The following RUNX1 variants were observed in gnomAD, a reference collection of about 807,000 sequenced individuals.
The protein encoded by RUNX1 is runt-related transcription factor 1.
A neutral mutation model predicts 42.8 loss-of-function variants in RUNX1; 19 were observed. The ratio of observed to expected loss-of-function variants is 0.44; its 90% CI spans 0.31 to 0.65. The LOEUF is 0.65. Ranked by LOEUF, RUNX1 falls within the 30% of genes least tolerant of loss-of-function variation. The pLI is 0.07. For missense variants in RUNX1, 528 were observed against 672.0 expected (o/e 0.79, Z 2.37); for synonymous variants, 271 against 289.4 (o/e 0.94, Z 0.64).
chr21:34,923,045 A>G (rs2058365778), intron 2 of RUNX1, among the ~76,000 whole-genome samples: 1 of 152,208 alleles, frequency 6.6e-6, no homozygotes, highest in Admixed American at 6.5e-5. Flanking sequence ...TGTAAGCCCA[A>G]AAAACTACAG....
intron 2 of RUNX1, among the ~76,000 whole-genome samples, chr21:34,984,391 C>T (rs1180478532): frequency 3.3e-5 from 5 of 151,898 alleles, no homozygotes. Flanking sequence ...TGTCATTGTG[C>T]ACCAGAAGGT....
intron 7 of RUNX1, among the ~76,000 whole-genome samples, chr21:34,801,531 AAGACAGGCTTG>A (rs1357577863): frequency 6.6e-6 from 1 of 152,120 alleles, no homozygotes; most frequent in Non-Finnish European, 1.5e-5. Flanking sequence ...TTGTTTTTTA[AAGACAGGCTTG>A]CAGATTCCAC....
chr21:34,998,279 C>T (rs1419351079), intron 2 of RUNX1, among the ~76,000 whole-genome samples: 1 of 152,116 alleles, frequency 6.6e-6, no homozygotes, highest in Admixed American at 6.5e-5. Context: ...GCAGGGGCCA[C>T]AGAGATCAGC....
intron 6 of RUNX1, among the ~76,000 whole-genome samples, chr21:34,857,487 T>C (rs1391606164): frequency 6.6e-6 from 1 of 152,210 alleles, no homozygotes; most frequent in Non-Finnish European, 1.5e-5. Flanking sequence ...TCTTTATGCA[T>C]GAGGAAATAA....
At chr21:34,951,704 G>A (rs1459619114) in intron 2 of RUNX1, among the ~76,000 whole-genome samples, 2 of 152,126 alleles carry the variant, frequency 1.3e-5, no homozygotes, top group African/African-American at 4.8e-5. Context: ...TTAGAATGGT[G>A]ATCATTAAAA....
At chr21:34,845,044 T>C (rs1320632741) in intron 6 of RUNX1, among the ~76,000 whole-genome samples, 1 of 152,230 alleles carries the variant, frequency 6.6e-6, no homozygotes. Flanking sequence ...CTCACTTCTA[T>C]GCACTGTTGT....
chr21:34,793,044 T>C (rs2056472209), intron 8 of RUNX1, among the ~76,000 whole-genome samples: 1 of 151,638 alleles, frequency 6.6e-6, no homozygotes, highest in Non-Finnish European at 1.5e-5. Flanking sequence ...AGGATGCTAC[T>C]GTCCAGGGAG....
chr21:34,867,970 G>C (rs1256850067), intron 5 of RUNX1, among the ~76,000 whole-genome samples: 2 of 152,110 alleles, frequency 1.3e-5, no homozygotes, highest in Non-Finnish European at 2.9e-5. Flanking sequence ...AGTGCCCCTA[G>C]CCGGGTGCCT....
At chr21:34,957,774 T>C (rs1185606281) in intron 2 of RUNX1, among the ~76,000 whole-genome samples, 1 of 152,202 alleles carries the variant, frequency 6.6e-6, no homozygotes, top group Non-Finnish European at 1.5e-5. Context: ...TGAAGTGTTC[T>C]TGTCTTGGAA....
intron 2 of RUNX1, among the ~76,000 whole-genome samples, chr21:34,919,657 C>G (rs1399450302): frequency 6.6e-6 from 1 of 152,190 alleles, no homozygotes; most frequent in Non-Finnish European, 1.5e-5. Context: ...GATAAAAATA[C>G]TTTCTTCTTC....
intron 2 of RUNX1, among the ~76,000 whole-genome samples, chr21:34,930,519 G>A (rs2146592600): frequency 6.6e-6 from 1 of 152,012 alleles, no homozygotes; most frequent in Admixed American, 6.6e-5. Context: ...CAACAGGCAA[G>A]AGGGGACATG....
intron 2 of RUNX1, among the ~76,000 whole-genome samples, chr21:35,029,848 A>C (rs2059261187): frequency 6.6e-6 from 1 of 152,174 alleles, no homozygotes; most frequent in Admixed American, 6.5e-5. Context: ...TCCTGGTAAT[A>C]GTACGAGGTT....
intron 2 of RUNX1, among the ~76,000 whole-genome samples, chr21:35,004,928 GA>G: frequency 6.6e-6 from 1 of 152,120 alleles, no homozygotes. Context: ...ATCAGCAGGG[GA>G]CTTTGATTTG....
intron 2 of RUNX1, among the ~76,000 whole-genome samples, chr21:34,927,404 T>C (rs1344559754): frequency 6.6e-6 from 1 of 152,170 alleles, no homozygotes; most frequent in Non-Finnish European, 1.5e-5. Context: ...TTGCGGACTC[T>C]TATCTATGAT....
At chr21:34,827,316 G>A (rs929482996) in intron 7 of RUNX1, among the ~76,000 whole-genome samples, 9 of 152,212 alleles carry the variant, frequency 5.9e-5, no homozygotes, top group African/African-American at 1.9e-4. Flanking sequence ...TACATATAGT[G>A]AGATGTGATA....
At chr21:34,948,393 CG>C (rs1482326230) in intron 2 of RUNX1, among the ~76,000 whole-genome samples, 2 of 152,050 alleles carry the variant, frequency 1.3e-5, no homozygotes, top group African/African-American at 4.8e-5. Flanking sequence ...TTCATTCTCT[CG>C]GGGTTTTCAG....
intron 7 of RUNX1, among the ~76,000 whole-genome samples, chr21:34,799,742 C>G (rs1425917221): frequency 6.6e-6 from 1 of 152,238 alleles, no homozygotes; most frequent in East Asian, 1.9e-4. Context: ...ATTACACTTT[C>G]AAGGTAGAAG....
chr21:34,940,061 A>T (rs1425999177), intron 2 of RUNX1, among the ~76,000 whole-genome samples: 1 of 152,178 alleles, frequency 6.6e-6, no homozygotes, highest in Non-Finnish European at 1.5e-5. Context: ...GTGTCCAAAC[A>T]GATTTTTGTA....
In RUNX1 at chr21:34,792,753, C is replaced by G; in HGVS notation, c.968-143G>C. 1.3e-6 allele frequency: 1 copy of G among 794,662 alleles called. No homozygotes were observed. Among genetic ancestry groups the G allele is most frequent in the East Asian group, 2.7e-5 (1 of 36,682 alleles). The allele number at this position is 794,662 out of a possible 1,614,324, so 49.2% of individuals were successfully genotyped here. A position where few individuals can be genotyped will look rare whatever the true frequency, so the allele number is the denominator to read the frequency against. ...CCCAGGATGCTACTGCTGGGGAGGA[C>G]GGGGACCACCCGGGATGCTACTCCC... is the stretch of plus-strand genomic sequence containing the variant. On this transcript the variant is annotated intron_variant, in intron 8 of 8. Coordinates refer to ENST00000675419, the MANE Select transcript of RUNX1 (RefSeq NM_001754.5). This position sits in a 1 kb window ranked among gnomAD's most constrained non-coding sequence, Gnocchi z 6.9.
Sources: gnomAD v4.1 joint callset for allele counts (sites outside exome capture counted in the v4.1 genomes callset) on GRCh38, gnomAD v4.1.1 for gene constraint, Gnocchi (gnomAD v3.1) non-coding constraint, MANE v1.5 for transcripts, NCBI Gene and HGNC (gene_info 2026-07-23, HGNC 2026-07-21) for gene names.